The following RYR2 variants were observed in gnomAD, a reference collection of about 807,000 sequenced individuals.
RYR2 encodes the protein cardiac muscle ryanodine receptor-calcium release channel.
Under a neutral mutation model 601.1 loss-of-function variants are expected in RYR2, and 227 were observed. The observed-to-expected ratio is 0.38, with a 90% CI of 0.34 to 0.42. RYR2 has a LOEUF of 0.42. Ranked by LOEUF, RYR2 falls within the 10% of genes least tolerant of loss-of-function variation. RYR2 has a pLI of 1.00. For missense variants in RYR2, 4,646 were observed against 6,156.5 expected, an observed-to-expected ratio of 0.75 and a Z score of 8.21; for synonymous variants, 2,223 against 2,175.1, an observed-to-expected ratio of 1.02 and a Z score of -0.61.
intron 10 of RYR2, among the ~76,000 whole-genome samples, chr1:237,393,436 G>A (rs950153720): frequency 6.6e-6 from 1 of 152,184 alleles, no homozygotes; most frequent in Non-Finnish European, 1.5e-5. Flanking sequence ...TGAATTAAAT[G>A]CCTCTCCATC....
In RYR2 at chr1:237,074,761, G is replaced by A. The variant is rs147957504; in HGVS notation, c.48+32192G>A. On this transcript the variant is annotated intron_variant, in intron 1 of 104. Coordinates refer to ENST00000366574, the MANE Select transcript of RYR2 (RefSeq NM_001035.3). Reference sequence around the variant, plus strand: ...TGTGCCTGGACACTGAAGACTGGGGGAGGGCAGTCCATCAGAGATGATTCA... The same window carrying A: ...TGTGCCTGGACACTGAAGACTGGGGAAGGGCAGTCCATCAGAGATGATTCA... Among the ~76,000 whole-genome samples the A allele has an allele frequency of 2.6e-3, 399 of 152,300 alleles. 1 individual carries two copies. The highest frequency in any genetic ancestry group is 9.3e-3 in the African/African-American group (386 of 41,566).
chr1:237,289,272 C>A (rs1404837438), intron 2 of RYR2, among the ~76,000 whole-genome samples: 1 of 152,130 alleles, frequency 6.6e-6, no homozygotes, highest in African/African-American at 2.4e-5. Context: ...TGCGAGCCCC[C>A]ACATACTGCT....
chr1:237,323,745 G>A (rs529202401), intron 2 of RYR2, among the ~76,000 whole-genome samples: 2 of 152,120 alleles, frequency 1.3e-5, no homozygotes, highest in South Asian at 2.1e-4. Flanking sequence ...TCATTTAAAC[G>A]TGCTGCTATA....
chr1:237,107,538 G>GAAAAAAAAAAAAAAAAAAA (rs1218167557), intron 1 of RYR2, among the ~76,000 whole-genome samples: 1 of 56,800 alleles, frequency 1.8e-5, no homozygotes, highest in African/African-American at 4.5e-5. Flanking sequence ...AAAAAAAAAG[G>GAAAAAAAAAAAAAAAAAAA]AAACATTGTA....
At chr1:237,423,624 T>A (rs1017054507) in intron 12 of RYR2, among the ~76,000 whole-genome samples, 13 of 151,882 alleles carry the variant, frequency 8.6e-5, no homozygotes, top group African/African-American at 2.9e-4. Flanking sequence ...TTAAAACACA[T>A]CCATCCAGCT....
intron 44 of RYR2, among the ~76,000 whole-genome samples, chr1:237,637,833 C>T (rs77779321): frequency 7.2e-5 from 11 of 152,306 alleles, no homozygotes; most frequent in African/African-American, 2.6e-4. Context: ...TAGTTTTACA[C>T]ATAATCCTGC....
rs554815704 is a variant in RYR2, at chr1:237,565,637, A to C, written c.3215-930A>C. ...GGGGCTATAACATGAAGCAGCTCCC[A>C]AGTTCCACCATTTTTAGTTGTGCGA... On this transcript the variant is annotated intron_variant, in intron 27 of 104. Transcript: ENST00000366574. 1.4e-4 allele frequency among the ~76,000 whole-genome samples: 21 copies of C among 152,286 alleles called. No individual in the cohort carries two copies. In the South Asian group the frequency reaches 4.3e-3, roughly 32 times the overall value.
chr1:237,107,405 C>A (rs890710193), intron 1 of RYR2, among the ~76,000 whole-genome samples: 1 of 150,474 alleles, frequency 6.6e-6, no homozygotes, highest in East Asian at 2.0e-4. Context: ...CCTGTAGTCC[C>A]AGCTACTCAG....
chr1:237,778,473 G>T (rs1240260745), intron 87 of RYR2, among the ~76,000 whole-genome samples, 193 bp from the exon 88 acceptor site: 1 of 151,628 alleles, frequency 6.6e-6, no homozygotes, highest in African/African-American at 2.4e-5. Flanking sequence ...GTTTTAAAGA[G>T]GAACGTATTT....
At chr1:237,818,982 G>GA (rs932345021) in intron 100 of RYR2, 54 bp from the exon 101 acceptor site, 3,070 of 1,471,524 alleles carry the variant, frequency 2.1e-3, no homozygotes, top group South Asian at 4.0e-3. Context: ...GGTTTGTCGA[G>GA]AAAAAAAAAT....
intron 71 of RYR2, among the ~76,000 whole-genome samples, chr1:237,715,572 T>C (rs75794239): frequency 0.012 from 1,769 of 152,286 alleles, 53 homozygotes; most frequent in East Asian, 0.085. Context: ...CAAATATTTA[T>C]AAATATTAAA....
At chr1:237,148,240 G>C (rs12403531) in intron 1 of RYR2, among the ~76,000 whole-genome samples, 40,808 of 151,634 alleles carry the variant, frequency 0.27, 6,017 homozygotes, top group East Asian at 0.45. Context: ...ACTGAAATAC[G>C]TGCACGTGCA....
chr1:237,320,717 C>G (rs1358543534), intron 2 of RYR2, among the ~76,000 whole-genome samples: 1 of 152,218 alleles, frequency 6.6e-6, no homozygotes, highest in Non-Finnish European at 1.5e-5. Context: ...GGTGACTCAC[C>G]TGCAGTCAGC....
intron 100 of RYR2, among the ~76,000 whole-genome samples, chr1:237,811,691 T>C (rs1181653844): frequency 2.6e-5 from 4 of 152,224 alleles, no homozygotes; most frequent in African/African-American, 2.4e-5. Context: ...ATGCTTTTGA[T>C]GGAGAATGCA....
chr1:237,690,360 A>G (rs959257017), intron 63 of RYR2, among the ~76,000 whole-genome samples: 11 of 152,202 alleles, frequency 7.2e-5, no homozygotes, highest in African/African-American at 2.7e-4. Flanking sequence ...TCATTGTTAA[A>G]GTGGGCTAAA....
In RYR2 at chr1:237,784,377, A is replaced by G; in HGVS notation, c.12665A>G (p.Glu4222Gly). The G allele has an allele frequency of 6.2e-7, 1 of 1,613,568 alleles. No individual in the cohort carries two copies. The highest frequency in any genetic ancestry group is 8.5e-7 in the Non-Finnish European group (1 of 1,179,552). ...NERSANKEES[E>G]KERPEEQGPR... Reference sequence around the variant, plus strand: ...AGGTCAGCGAATAAGGAAGAAAGCGAGAAGGAGAGGCCGGAAGAGCAGGGG... The same window carrying G: ...AGGTCAGCGAATAAGGAAGAAAGCGGGAAGGAGAGGCCGGAAGAGCAGGGG... The change falls in exon 90 of 105, where the codon GAG becomes GGG. Residue 4222 changes from glutamate (E) to glycine (G), a missense_variant. Glu to Gly is a moderately conservative substitution (Grantham distance 98, BLOSUM62 -2). Coordinates refer to ENST00000366574, the MANE Select transcript of RYR2 (RefSeq NM_001035.3). This position sits in a 1 kb window ranked among gnomAD's most constrained non-coding sequence, Gnocchi z 7.1.
intron 24 of RYR2, among the ~76,000 whole-genome samples, chr1:237,518,854 C>G (rs533371880): frequency 6.6e-6 from 1 of 152,194 alleles, no homozygotes; most frequent in South Asian, 2.1e-4. Flanking sequence ...TTCATAGAGG[C>G]TGTACTAATT....
intron 1 of RYR2, among the ~76,000 whole-genome samples, chr1:237,214,218 G>C (rs1682925177): frequency 6.6e-6 from 1 of 152,042 alleles, no homozygotes; most frequent in South Asian, 2.1e-4. Context: ...ATTGTGTCTG[G>C]CCCTAATCAA....
In RYR2 at chr1:237,649,914, A is replaced by G. The variant is rs1314129285; in HGVS notation, c.7550A>G (p.Asn2517Ser). ...GCTACAGACATGGCCTTGGCCCTCA[A>G]TCGGTACCTTTGCACAGCCGTCTTG... ...LSATDMALAL[N>S]RYLCTAVLPL... The change falls in exon 50 of 105, where the codon AAT (asparagine) becomes AGT (serine). Residue 2517 changes from asparagine to serine, a missense_variant. By Grantham distance (46) the Asn-to-Ser change is conservative. This residue lies in a region of RYR2 where 1,497 missense variants were observed against 1,842.6 expected (regional missense o/e 0.81). Transcript: ENST00000366574. The G allele has an allele frequency of 9.9e-6, 16 of 1,613,818 alleles. No individual in the cohort carries two copies. Among genetic ancestry groups the G allele is most frequent in the Middle Eastern group, 1.6e-4 (1 of 6,068 alleles).
Sources: gnomAD v4.1 joint callset for allele counts (sites outside exome capture counted in the v4.1 genomes callset) on GRCh38, gnomAD v4.1.1 for gene constraint, gnomAD v4.1.1 regional missense constraint, Gnocchi (gnomAD v3.1) non-coding constraint, MANE v1.5 for transcripts, NCBI Gene and HGNC (gene_info 2026-07-23, HGNC 2026-07-21) for gene names.